MCPH1: variants seen among roughly 807,000 people sequenced by gnomAD.
MCPH1 encodes microcephalin 1.
Under a neutral mutation model 84.5 loss-of-function variants are expected in MCPH1, and 104 were observed. That is an observed-to-expected ratio of 1.23 (90% CI 1.05 to 1.45). The LOEUF (loss-of-function observed/expected upper bound fraction) is 1.45, where lower values mean the gene tolerates loss of function less well. MCPH1 is among the 40% of genes most tolerant of loss of function. The pLI, the probability that MCPH1 is intolerant of heterozygous loss-of-function variation, is 0.00. For missense variants in MCPH1, 1,498 were observed against 1,005.7 expected (o/e 1.49, Z -6.62); for synonymous variants, 514 against 366.8 (o/e 1.40, Z -4.58).
chr8:6,606,288 T>C (rs1248923318), intron 12 of MCPH1, among the ~76,000 whole-genome samples: 1 of 152,228 alleles, frequency 6.6e-6, no homozygotes, highest in Non-Finnish European at 1.5e-5. Flanking sequence ...CTAAAACATC[T>C]AGCAACTCTC....
chr8:6,614,686 G>C (rs1830628549), intron 12 of MCPH1, among the ~76,000 whole-genome samples: 1 of 152,092 alleles, frequency 6.6e-6, no homozygotes. Flanking sequence ...ATTGAAGCTG[G>C]GGGCAAAAAA....
intron 9 of MCPH1, among the ~76,000 whole-genome samples, chr8:6,470,997 A>G (rs1412257976): frequency 1.3e-5 from 2 of 152,218 alleles, no homozygotes; most frequent in African/African-American, 2.4e-5. Flanking sequence ...ATTTCCTTAC[A>G]ATGGAGGCTG....
intron 10 of MCPH1, among the ~76,000 whole-genome samples, chr8:6,479,129 G>A (rs1429125971): frequency 6.6e-6 from 1 of 152,082 alleles, no homozygotes; most frequent in Admixed American, 6.5e-5. Flanking sequence ...AGCCAGACTT[G>A]GTGGTGAATT....
At chr8:6,428,002 T>A (rs2129553535) in intron 3 of MCPH1, among the ~76,000 whole-genome samples, 1 of 152,010 alleles carries the variant, frequency 6.6e-6, no homozygotes, top group Non-Finnish European at 1.5e-5. Flanking sequence ...CATGTTAGCC[T>A]GGATGGCCTT....
chr8:6,562,342 A>G (rs554549535), intron 12 of MCPH1, among the ~76,000 whole-genome samples: 23 of 152,094 alleles, frequency 1.5e-4, no homozygotes, highest in Non-Finnish European at 2.8e-4. Flanking sequence ...AGAACGGCAC[A>G]CAAGTTGTGC....
At chr8:6,584,921 T>G (rs1018726673) in intron 12 of MCPH1, among the ~76,000 whole-genome samples, 1 of 152,184 alleles carries the variant, frequency 6.6e-6, no homozygotes, top group Non-Finnish European at 1.5e-5. Context: ...TTCAAGAGTC[T>G]CAAACCCCAA....
At chr8:6,576,631 C>T (rs13275118) in intron 12 of MCPH1, among the ~76,000 whole-genome samples, 1 of 143,284 alleles carries the variant, frequency 7.0e-6, no homozygotes, top group African/African-American at 2.6e-5. Flanking sequence ...CCTCAGCCTT[C>T]TGAGTAGCTG....
At chr8:6,485,180 C>G (rs1411201311) in intron 11 of MCPH1, among the ~76,000 whole-genome samples, 1 of 152,014 alleles carries the variant, frequency 6.6e-6, no homozygotes, top group Non-Finnish European at 1.5e-5. Context: ...GAAAAATTAG[C>G]TGGGCACGGT....
intron 12 of MCPH1, chr8:6,521,121 A>G: frequency 7.1e-7 from 1 of 1,415,804 alleles, no homozygotes; most frequent in Non-Finnish European, 9.7e-7. Flanking sequence ...TAGTCTTTTG[A>G]GTGTTTTACT....
At chr8:6,587,566 A>G (rs951129220) in intron 12 of MCPH1, among the ~76,000 whole-genome samples, 38 of 152,192 alleles carry the variant, frequency 2.5e-4, no homozygotes, top group African/African-American at 8.0e-4. Flanking sequence ...GAATCTGACT[A>G]TGATTTTTGG....
chr8:6,476,668 A>G (rs1484927876), intron 9 of MCPH1, among the ~76,000 whole-genome samples: 1 of 152,150 alleles, frequency 6.6e-6, no homozygotes, highest in East Asian at 1.9e-4. Context: ...GTAGTATACA[A>G]ACCGCTTCAT....
rs1804064679 is a variant in MCPH1 at position 6,444,951 on chromosome 8, C to T, written c.1229C>T (p.Ser410Phe). Residue 410 changes from serine (S) to phenylalanine (F), a missense_variant, in exon 8 of 14, where the codon TCT (serine) becomes TTT (phenylalanine). Physicochemically the swap from Ser to Phe is radical, Grantham distance 155 (BLOSUM62 -2). Coordinates refer to ENST00000344683, the MANE Select transcript of MCPH1 (RefSeq NM_024596.5). ...CTGGAGGCTCTTAGCTGTGGGGAGT[C>T]TTCATATGATGACTATTTTTCACCT... ...PALEALSCGE[S>F]SYDDYFSPDN... 1.2e-6 allele frequency: 2 copies of T among 1,614,152 alleles called. No individual in the cohort carries two copies. The highest frequency in any genetic ancestry group is 8.5e-7 in the Non-Finnish European group (1 of 1,180,036).
chr8:6,429,607 T>A (rs1374134868), intron 3 of MCPH1, among the ~76,000 whole-genome samples: 1 of 152,210 alleles, frequency 6.6e-6, no homozygotes, highest in Non-Finnish European at 1.5e-5. Flanking sequence ...TATGTCTTTT[T>A]GTTTTCCTTT....
chr8:6,457,869 A>C (rs944907516), intron 9 of MCPH1, among the ~76,000 whole-genome samples: 1 of 152,004 alleles, frequency 6.6e-6, no homozygotes, highest in African/African-American at 2.4e-5. Flanking sequence ...AAAAACTCCT[A>C]ATGCCCTAGG....
At position 6,497,973 on chromosome 8, in the gene MCPH1, C is replaced by G. The variant is rs549063359; in HGVS notation, c.2137-1879C>G. Among the ~76,000 whole-genome samples, 3 of 152,296 alleles carry G rather than the reference C, an allele frequency of 2.0e-5. No individual in the cohort carries two copies. In the East Asian group the frequency reaches 5.8e-4, roughly 29 times the overall value. On this transcript the variant is annotated intron_variant, in intron 11 of 13. Transcript: ENST00000344683. ...AAGAACTCTCAATGCTCTCACTGCT[C>G]CTTCCCTGCCTTGAACAGGAAGTGT...
At chr8:6,571,056 T>G (rs559510144) in intron 12 of MCPH1, among the ~76,000 whole-genome samples, 1 of 152,158 alleles carries the variant, frequency 6.6e-6, no homozygotes, top group Non-Finnish European at 1.5e-5. Context: ...ATAACTGTTA[T>G]GCTGTTTGAT....
At chr8:6,412,063 C>G (rs1485080314) in intron 2 of MCPH1, among the ~76,000 whole-genome samples, 1 of 152,108 alleles carries the variant, frequency 6.6e-6, no homozygotes, top group Admixed American at 6.6e-5. Flanking sequence ...ACTTAAGAGG[C>G]GCTCACCACC....
intron 12 of MCPH1, chr8:6,514,797 G>A: frequency 6.2e-7 from 1 of 1,609,666 alleles, no homozygotes; most frequent in Non-Finnish European, 8.5e-7. Context: ...AGGAATGCAG[G>A]GTATAAGTGA....
intron 9 of MCPH1, among the ~76,000 whole-genome samples, chr8:6,469,796 A>G (rs1807473406): frequency 6.6e-6 from 1 of 152,194 alleles, no homozygotes; most frequent in African/African-American, 2.4e-5. Context: ...CAGCTAGACC[A>G]TTTCCCAAAT....
Sources: allele counts gnomAD v4.1 joint callset (sites outside exome capture counted in the v4.1 genomes callset), GRCh38; gene constraint gnomAD v4.1.1; transcripts MANE v1.5; gene names NCBI Gene and HGNC (gene_info 2026-07-23, HGNC 2026-07-21).